Variants in LPCAT1 observed in about 807,000 individuals in gnomAD.
LPCAT1 encodes lysophosphatidylcholine acyltransferase 1, also known as 1-acylglycerol-3-phosphate O-acyltransferase.
A neutral mutation model predicts 60.9 loss-of-function variants in LPCAT1; 23 were observed. The ratio of observed to expected loss-of-function variants is 0.38; its 90% CI spans 0.27 to 0.53. The LOEUF (loss-of-function observed/expected upper bound fraction) is 0.53. LPCAT1 is among the 20% of genes least tolerant of loss of function. The probability of loss-of-function intolerance (pLI) is 0.82; values close to 1 mark genes in which losing one functional copy is unlikely to be tolerated. For synonymous variants in LPCAT1, 340 were observed against 301.1 expected (o/e 1.13, Z -1.34); for missense variants, 622 against 723.6 (o/e 0.86, Z 1.61).
At chr5:1,508,149 C>T (rs1017551714) in intron 1 of LPCAT1, among the ~76,000 whole-genome samples, 6 of 152,150 alleles carry the variant, frequency 3.9e-5, no homozygotes, top group South Asian at 2.1e-4. Context: ...GGAGGCACCT[C>T]GTCTGTGGTC....
rs989181003 is a variant in LPCAT1 at position 1,495,026 on chromosome 5, G to A, written c.279-112C>T. ...CCTCCAGGGCGCAGTCCAGGCCACG[G>A]GCTTCCTGTGGTCGCCGCCGCTGGG... On this transcript the variant is annotated intron_variant, in intron 2 of 13. Coordinates refer to ENST00000283415, the MANE Select transcript of LPCAT1 (RefSeq NM_024830.5). The surrounding 1 kb of genome is among the most constrained non-coding windows in gnomAD (Gnocchi z 4.7). 4 of 963,890 alleles carry A rather than the reference G, an allele frequency of 4.1e-6. No homozygotes were observed. The African/African-American group carries it at 6.6e-5, about 16-fold the overall frequency. The allele number at this position is 963,890 out of a possible 1,614,324, so 59.7% of individuals were successfully genotyped here. A position where few individuals can be genotyped will look rare whatever the true frequency, so the allele number is the denominator to read the frequency against.
At chr5:1,479,267 A>C (rs953403202) in intron 8 of LPCAT1, among the ~76,000 whole-genome samples, 1 of 152,194 alleles carries the variant, frequency 6.6e-6, no homozygotes, top group African/African-American at 2.4e-5. Context: ...CCTGTGGTCC[A>C]ATTACGTGGG....
At position 1,521,465 on chromosome 5, in the gene LPCAT1, T is replaced by G. The variant is rs989913079; in HGVS notation, c.135+2245A>C. ...CTTTCTTGGCTTGAAAGACAGGCTA[T>G]TTCACTCTGTGGAAACTTTACAAGA... On this transcript the variant is annotated intron_variant, in intron 1 of 13. Transcript: ENST00000283415. This position sits in a 1 kb window ranked among gnomAD's most constrained non-coding sequence, Gnocchi z 4.3. 2 of 985,326 alleles carry G rather than the reference T, an allele frequency of 2.0e-6. No homozygotes were observed. Among genetic ancestry groups the G allele is most frequent in the Non-Finnish European group, 2.4e-6 (2 of 829,930 alleles). The allele number at this position is 985,326 out of a possible 1,614,324, so 61.0% of individuals were successfully genotyped here. A position where few individuals can be genotyped will look rare whatever the true frequency, so the allele number is the denominator to read the frequency against.
intron 1 of LPCAT1, among the ~76,000 whole-genome samples, chr5:1,505,679 C>A (rs1041233435): frequency 6.6e-5 from 10 of 152,204 alleles, no homozygotes; most frequent in Non-Finnish European, 1.0e-4. Flanking sequence ...CCTGCTCCTG[C>A]GCACATAGGG....
chr5:1,507,722 A>C (rs1736230620), intron 1 of LPCAT1, among the ~76,000 whole-genome samples: 1 of 152,156 alleles, frequency 6.6e-6, no homozygotes. Flanking sequence ...CTCGAGGCCT[A>C]CCCAGCTCAC....
At chr5:1,504,714 C>CAAA (rs11463524) in intron 1 of LPCAT1, among the ~76,000 whole-genome samples, 76 of 102,028 alleles carry the variant, frequency 7.4e-4, no homozygotes, top group Middle Eastern at 5.1e-3. Flanking sequence ...ATCTCCGTCC[C>CAAA]AAAAAAAAAA....
intron 13 of LPCAT1, among the ~76,000 whole-genome samples, chr5:1,465,366 G>A (rs1042161156): frequency 2.9e-5 from 4 of 138,702 alleles, no homozygotes; most frequent in Non-Finnish European, 3.0e-5. Context: ...ACGCACAAGT[G>A]CACGAACACA....
chr5:1,520,818 G>A lies in LPCAT1; in HGVS notation c.135+2892C>T, dbSNP rs182551411. Among the ~76,000 whole-genome samples the A allele has an allele frequency of 1.6e-3, 216 of 132,680 alleles. 1 individual carries two copies. In the Middle Eastern group the frequency reaches 0.022, roughly 14 times the overall value. 87.0% of individuals were successfully genotyped at this position (132,680 alleles called of 152,430 possible). On this transcript the variant is annotated intron_variant, in intron 1 of 13. Transcript: ENST00000283415. ...GCAGAGCTTGTAGTGAGCCGATATC[G>A]CACCTCTGCACTCCAGCCTGGGCGA... is the stretch of plus-strand genomic sequence containing the variant.
intron 5 of LPCAT1, among the ~76,000 whole-genome samples, chr5:1,486,771 C>T (rs572132685): frequency 2.6e-5 from 4 of 152,332 alleles, no homozygotes; most frequent in Admixed American, 6.5e-5. Context: ...ATTCCGAACA[C>T]GTGACTCGAG....
rs974264801 is a variant in LPCAT1 at position 1,495,121 on chromosome 5, C to G, written c.279-207G>C. ...CGCCTGTGTCCTCGCTGGCTGCGCTCTCACCTACGAAGGAGGCCGCGGGGC... is the reference window on the plus strand; with the variant it reads ...CGCCTGTGTCCTCGCTGGCTGCGCTGTCACCTACGAAGGAGGCCGCGGGGC... On this transcript the variant is annotated intron_variant, in intron 2 of 13. Coordinates refer to ENST00000283415, the MANE Select transcript of LPCAT1 (RefSeq NM_024830.5). The surrounding 1 kb of genome is among the most constrained non-coding windows in gnomAD (Gnocchi z 4.7). Among the ~76,000 whole-genome samples the G allele has an allele frequency of 6.6e-6, 1 of 152,220 alleles. No individual in the cohort carries two copies. The highest frequency in any genetic ancestry group is 1.5e-5 in the Non-Finnish European group (1 of 68,040).
intron 3 of LPCAT1, among the ~76,000 whole-genome samples, chr5:1,492,250 AGCCTGGGGAGATGTCTCTGAGCTGGG>A (rs541852845): frequency 4.8e-4 from 69 of 144,732 alleles, no homozygotes; most frequent in South Asian, 1.1e-3. Flanking sequence ...TCTGAGCTGG[AGCCTGGGGAGATGTCTCTGAGCTGGG>A]GCCTGGGGAG....
rs200436421 is a variant in LPCAT1, at chr5:1,464,792, A to G, written c.1421-957T>C. Among the ~76,000 whole-genome samples, 34 of 149,980 alleles carry G rather than the reference A, an allele frequency of 2.3e-4. No homozygotes were observed. The South Asian group carries it at 3.2e-3, about 14-fold the overall frequency. ...ACGGTAACCAAACACACGTGCGCGC[A>G]CACACACAAAACAAGCACACACACG... On this transcript the variant is annotated intron_variant, in intron 13 of 13. Coordinates refer to ENST00000283415, the MANE Select transcript of LPCAT1 (RefSeq NM_024830.5).
intron 1 of LPCAT1, among the ~76,000 whole-genome samples, chr5:1,510,405 T>A (rs565818432): frequency 6.6e-6 from 1 of 152,230 alleles, no homozygotes; most frequent in African/African-American, 2.4e-5. Flanking sequence ...CTCGGCACCA[T>A]CACCTACCCG....
At chr5:1,509,051 C>T (rs560288652) in intron 1 of LPCAT1, among the ~76,000 whole-genome samples, 3 of 152,370 alleles carry the variant, frequency 2.0e-5, no homozygotes, top group South Asian at 2.1e-4. Flanking sequence ...GCGGCCCCTC[C>T]GAGCCCACTT....
In LPCAT1 at chr5:1,512,787, C is replaced by T. The variant is rs549972292; in HGVS notation, c.135+10923G>A. The stretch of plus-strand genomic sequence containing the variant: ...CACATTGGTGCTGTTGGAAAGTAAC[C>T]AGTAAAAAGGTGTGTGAAAGAAAAC... On this transcript the variant is annotated intron_variant, in intron 1 of 13. Transcript: ENST00000283415. Among the ~76,000 whole-genome samples, 97 of 152,332 alleles carry T rather than the reference C, an allele frequency of 6.4e-4. 1 individual carries two copies. Among genetic ancestry groups the T allele is most frequent in the Admixed American group, 2.0e-3 (31 of 15,306 alleles).
intron 2 of LPCAT1, among the ~76,000 whole-genome samples, chr5:1,497,752 G>C (rs1735846179): frequency 6.6e-6 from 1 of 152,226 alleles, no homozygotes; most frequent in South Asian, 2.1e-4. Context: ...CCAACCTCCA[G>C]GCCAACATAC....
rs926885418 is a variant in LPCAT1 at position 1,477,057 on chromosome 5, T to C, written c.899+347A>G. Among the ~76,000 whole-genome samples the C allele has an allele frequency of 2.0e-5, 3 of 152,154 alleles. No individual in the cohort carries two copies. Among genetic ancestry groups the C allele is most frequent in the Non-Finnish European group, 2.9e-5 (2 of 68,026 alleles). ...TATCACACAGGCAGATGAGCAAAGG[T>C]AGGCGTGGAGGCCGCCGCACAGATG... is the stretch of plus-strand genomic sequence containing the variant. On this transcript the variant is annotated intron_variant, in intron 9 of 13. Transcript: ENST00000283415. The surrounding 1 kb of genome is among the most constrained non-coding windows in gnomAD (Gnocchi z 6.0).
At chr5:1,506,357 A>C (rs1346776495) in intron 1 of LPCAT1, among the ~76,000 whole-genome samples, 1 of 152,138 alleles carries the variant, frequency 6.6e-6, no homozygotes, top group East Asian at 1.9e-4. Flanking sequence ...AGCCCTCACC[A>C]AGGAGAACAG....
chr5:1,485,524 C>T (rs1579780472), intron 5 of LPCAT1, among the ~76,000 whole-genome samples: 1 of 152,192 alleles, frequency 6.6e-6, no homozygotes, highest in South Asian at 2.1e-4. Flanking sequence ...TTGTGCTGGG[C>T]ATGGGTCTAA....
Sources: gnomAD v4.1 joint callset for allele counts (sites outside exome capture counted in the v4.1 genomes callset) on GRCh38, gnomAD v4.1.1 for gene constraint, Gnocchi (gnomAD v3.1) non-coding constraint, MANE v1.5 for transcripts, NCBI Gene and HGNC (gene_info 2026-07-23, HGNC 2026-07-21) for gene names.